Variants in OSBPL3 observed in about 807,000 individuals in gnomAD.
OSBPL3 encodes the protein oxysterol-binding protein-related protein 3.
A neutral mutation model predicts 120.1 loss-of-function variants in OSBPL3; 65 were observed. The observed-to-expected ratio is 0.54, with a 90% CI of 0.44 to 0.67. The LOEUF (loss-of-function observed/expected upper bound fraction) is 0.67, where lower values mean the gene tolerates loss of function less well. OSBPL3 is among the 30% of genes least tolerant of loss of function. OSBPL3 has a pLI of 0.00. For synonymous variants in OSBPL3, 416 were observed against 402.6 expected (o/e 1.03, Z -0.40); for missense variants, 1,004 against 1,082.1 (o/e 0.93, Z 1.01).
rs1020913461 is a variant in OSBPL3 at position 24,862,409 on chromosome 7, T to C, written c.871-640A>G. On this transcript the variant is annotated intron_variant, in intron 9 of 22. Transcript: ENST00000313367. The surrounding 1 kb of genome is among the most constrained non-coding windows in gnomAD (Gnocchi z 4.4). ...TTCCTCCTGGCAATAATCATCCATG[T>C]ATCCAGGCGGTTAGTAATGGATAGG... Among the ~76,000 whole-genome samples, 2 of 152,250 alleles carry C rather than the reference T, an allele frequency of 1.3e-5. No individual in the cohort carries two copies. Among genetic ancestry groups the C allele is most frequent in the African/African-American group, 4.8e-5 (2 of 41,464 alleles).
In OSBPL3 at chr7:24,932,952, C is replaced by T. The variant is rs140862825; in HGVS notation, c.-149-40331G>A. Among the ~76,000 whole-genome samples, 19 of 152,386 alleles carry T rather than the reference C, an allele frequency of 1.2e-4. No homozygotes were observed. The highest frequency in any genetic ancestry group is 5.9e-4 in the Admixed American group (9 of 15,310). On this transcript the variant is annotated intron_variant, in intron 1 of 22. Transcript: ENST00000313367. This position sits in a 1 kb window ranked among gnomAD's most constrained non-coding sequence, Gnocchi z 5.6. ...TTCTGTAAGGCAGAATGCCATGTTACAAACCAGTGAACCGTCTTTCCTCCA... is the reference window on the plus strand; with the variant it reads ...TTCTGTAAGGCAGAATGCCATGTTATAAACCAGTGAACCGTCTTTCCTCCA...
In OSBPL3 at chr7:24,806,017, C is replaced by T. The variant is rs1372727683; in HGVS notation, c.2444+759G>A. 3.9e-5 allele frequency among the ~76,000 whole-genome samples: 6 copies of T among 152,180 alleles called. No homozygotes were observed. Among genetic ancestry groups the T allele is most frequent in the South Asian group, 2.1e-4 (1 of 4,828 alleles). On this transcript the variant is annotated intron_variant, in intron 21 of 22. Coordinates refer to ENST00000313367, the MANE Select transcript of OSBPL3 (RefSeq NM_015550.4). This position sits in a 1 kb window ranked among gnomAD's most constrained non-coding sequence, Gnocchi z 5.2. ...AGACACTCAGGCTGGAGAGCAATGG[C>T]GTGGTCTCGGCTCACTGCAACCTCC...
At chr7:24,956,702 C>T (rs549487303) in intron 1 of OSBPL3, among the ~76,000 whole-genome samples, 1 of 152,192 alleles carries the variant, frequency 6.6e-6, no homozygotes, top group South Asian at 2.1e-4. Context: ...TGAGGTTTTT[C>T]CCATCTGTCT....
chr7:24,834,411 C>T lies in OSBPL3; in HGVS notation c.1746+75G>A, dbSNP rs1796743676. 1.9e-6 allele frequency: 3 copies of T among 1,549,570 alleles called. No homozygotes were observed. The highest frequency in any genetic ancestry group is 3.9e-5 in the Admixed American group (2 of 50,696). On this transcript the variant is annotated intron_variant, in intron 15 of 22. Coordinates refer to ENST00000313367, the MANE Select transcript of OSBPL3 (RefSeq NM_015550.4). The surrounding 1 kb of genome is among the most constrained non-coding windows in gnomAD (Gnocchi z 5.2). ...ACCGGAGGGAACAGGGGCTGTCTCT[C>T]TGATGGGCCCCGTGAATGGCCTCGT...
chr7:24,929,285 G>A (rs1811485411), intron 1 of OSBPL3, among the ~76,000 whole-genome samples: 1 of 152,178 alleles, frequency 6.6e-6, no homozygotes, highest in Non-Finnish European at 1.5e-5. Flanking sequence ...AGGCAATGTG[G>A]TATACTGAAA....
rs1358408732 is a variant in OSBPL3, at chr7:24,946,017, G to A, written c.-150+33869C>T. On this transcript the variant is annotated intron_variant, in intron 1 of 22. Coordinates refer to ENST00000313367, the MANE Select transcript of OSBPL3 (RefSeq NM_015550.4). This position sits in a 1 kb window ranked among gnomAD's most constrained non-coding sequence, Gnocchi z 4.3. The stretch of plus-strand genomic sequence containing the variant: ...CTGGCTCAGGGTCTCTCATTTGATG[G>A]CAATCAGATGCCAGGTGGGGCTGGA... Among the ~76,000 whole-genome samples, 2 of 152,182 alleles carry A rather than the reference G, an allele frequency of 1.3e-5. No homozygotes were observed. The highest frequency in any genetic ancestry group is 4.8e-5 in the African/African-American group (2 of 41,458).
rs1187975133 is a variant in OSBPL3, at chr7:24,913,762, C to A, written c.-149-21141G>T. ...GCATTGTCATGTGGTAACTGAGCCA[C>A]AGAGAAATTAAATATCTTACTAAGG... On this transcript the variant is annotated intron_variant, in intron 1 of 22. Coordinates refer to ENST00000313367, the MANE Select transcript of OSBPL3 (RefSeq NM_015550.4). This position sits in a 1 kb window ranked among gnomAD's most constrained non-coding sequence, Gnocchi z 5.3. 2.0e-5 allele frequency among the ~76,000 whole-genome samples: 3 copies of A among 152,124 alleles called. 1 individual carries two copies. Among genetic ancestry groups the A allele is most frequent in the African/African-American group, 7.2e-5 (3 of 41,402 alleles).
intron 10 of OSBPL3, 51 bp downstream of exon 10, chr7:24,861,562 T>C (rs761241668): frequency 1.6e-6 from 2 of 1,258,846 alleles, no homozygotes; most frequent in Non-Finnish European, 2.2e-6. Flanking sequence ...CATTCAGACA[T>C]GCACTTAACA....
rs1805764337 is a variant in OSBPL3 at position 24,894,059 on chromosome 7, A to C, written c.-149-1438T>G. On this transcript the variant is annotated intron_variant, in intron 1 of 22. Transcript: ENST00000313367. This position sits in a 1 kb window ranked among gnomAD's most constrained non-coding sequence, Gnocchi z 4.1. Reference sequence around the variant, plus strand: ...GTCTAATTATAAAAAGAAGAGTATCATATATTTGTCTAGGAACCAGCTAGT... The same window carrying C: ...GTCTAATTATAAAAAGAAGAGTATCCTATATTTGTCTAGGAACCAGCTAGT... Among the ~76,000 whole-genome samples the C allele has an allele frequency of 6.6e-6, 1 of 152,190 alleles. No homozygotes were observed. Among genetic ancestry groups the C allele is most frequent in the Non-Finnish European group, 1.5e-5 (1 of 68,042 alleles).
rs933767665 is a variant in OSBPL3 at position 24,833,673 on chromosome 7, T to C, written c.1746+813A>G. On this transcript the variant is annotated intron_variant, in intron 15 of 22. Coordinates refer to ENST00000313367, the MANE Select transcript of OSBPL3 (RefSeq NM_015550.4). This position sits in a 1 kb window ranked among gnomAD's most constrained non-coding sequence, Gnocchi z 4.4. ...GGGACACTGCTGTCCCAGCATCCCA[T>C]AGAGACAATGACCTTACTGCTCTAA... Among the ~76,000 whole-genome samples the C allele has an allele frequency of 6.6e-6, 1 of 152,016 alleles. No homozygotes were observed. The highest frequency in any genetic ancestry group is 1.5e-5 in the Non-Finnish European group (1 of 68,004).
chr7:24,880,273 T>C (rs1281183499), intron 2 of OSBPL3, among the ~76,000 whole-genome samples: 1 of 152,168 alleles, frequency 6.6e-6, no homozygotes, highest in Non-Finnish European at 1.5e-5. Flanking sequence ...GCAGAACCCA[T>C]TTGCAGACTG....
chr7:24,925,639 A>G (rs945650515), intron 1 of OSBPL3, among the ~76,000 whole-genome samples: 1 of 152,240 alleles, frequency 6.6e-6, no homozygotes, highest in Non-Finnish European at 1.5e-5. Context: ...TCAGGGCTAA[A>G]CATGCATTCA....
intron 5 of OSBPL3, among the ~76,000 whole-genome samples, chr7:24,869,389 T>C (rs1801798621): frequency 1.3e-5 from 2 of 152,224 alleles, no homozygotes; most frequent in African/African-American, 4.8e-5. Flanking sequence ...TGGAGACTGA[T>C]CAATGAAACA....
At chr7:24,810,284 G>A (rs1793622745) in intron 19 of OSBPL3, 1 of 183,668 alleles carries the variant, frequency 5.4e-6, no homozygotes, top group Non-Finnish European at 1.1e-5. Flanking sequence ...CAGCACTTTG[G>A]AGACCAAGGC....
rs111316862 is a variant in OSBPL3, at chr7:24,978,637, C to T, written c.-150+1249G>A. Among the ~76,000 whole-genome samples, 43 of 152,268 alleles carry T rather than the reference C, an allele frequency of 2.8e-4. 1 individual carries two copies. Among genetic ancestry groups the T allele is most frequent in the African/African-American group, 1.0e-3 (43 of 41,532 alleles). On this transcript the variant is annotated intron_variant, in intron 1 of 22. Transcript: ENST00000313367. The stretch of plus-strand genomic sequence containing the variant: ...AGGACCTCACCTTGTATGATACTTG[C>T]GGGGTACAGTGCAGATGATGAGAAG...
intron 13 of OSBPL3, 145 bp downstream of exon 13, chr7:24,842,134 A>C (rs1427653622): frequency 2.6e-6 from 2 of 784,024 alleles, no homozygotes; most frequent in Non-Finnish European, 4.2e-6. Flanking sequence ...TTTGGGTATG[A>C]GTTATGGGAG....
chr7:24,969,070 T>C (rs1208316244), intron 1 of OSBPL3, among the ~76,000 whole-genome samples: 3 of 152,260 alleles, frequency 2.0e-5, no homozygotes, highest in African/African-American at 7.2e-5. Context: ...TGACAGATAC[T>C]GCCAATGGCT....
chr7:24,815,288 G>A lies in OSBPL3; in HGVS notation c.2028-85C>T. On this transcript the variant is annotated intron_variant, in intron 18 of 22. Transcript: ENST00000313367. This position sits in a 1 kb window ranked among gnomAD's most constrained non-coding sequence, Gnocchi z 5.1. ...CAAACTCTGCTCTTTTATAAAATAAGTCATGCAATGCATTATTCATCTCTT... is the reference window on the plus strand; with the variant it reads ...CAAACTCTGCTCTTTTATAAAATAAATCATGCAATGCATTATTCATCTCTT... The A allele has an allele frequency of 2.0e-6, 2 of 1,008,172 alleles. No homozygotes were observed. Among genetic ancestry groups the A allele is most frequent in the Non-Finnish European group, 3.1e-6 (2 of 654,816 alleles). The allele number at this position is 1,008,172 out of a possible 1,614,324, so 62.5% of individuals were successfully genotyped here. A position where few individuals can be genotyped will look rare whatever the true frequency, so the allele number is the denominator to read the frequency against.
Position 24,845,445 on chromosome 7 carries a change from A to G in OSBPL3, c.1267-3032T>C, listed in dbSNP as rs568331081. On this transcript the variant is annotated intron_variant, in intron 12 of 22. Coordinates refer to ENST00000313367, the MANE Select transcript of OSBPL3 (RefSeq NM_015550.4). ...CCCATACCTATCTGTATTTGTGTGT[A>G]TGTGTGTGTGTGTGTATGTGTGTGT... Among the ~76,000 whole-genome samples, 895 of 114,818 alleles carry G rather than the reference A, an allele frequency of 7.8e-3. 13 individuals are homozygous for G. Among genetic ancestry groups the G allele is most frequent in the South Asian group, 8.2e-3 (26 of 3,184 alleles). The allele number at this position is 114,818 out of a possible 152,430, so 75.3% of individuals were successfully genotyped here.
Sources: gnomAD v4.1 joint callset for allele counts (sites outside exome capture counted in the v4.1 genomes callset) on GRCh38, gnomAD v4.1.1 for gene constraint, Gnocchi (gnomAD v3.1) non-coding constraint, MANE v1.5 for transcripts, NCBI Gene and HGNC (gene_info 2026-07-23, HGNC 2026-07-21) for gene names.